NALCN: variants seen among roughly 807,000 people sequenced by gnomAD.
The protein encoded by NALCN is sodium leak channel NALCN.
NALCN carries 111 observed loss-of-function variants against 225.3 expected under a neutral mutation model. The observed-to-expected ratio is 0.49, with a 90% CI of 0.42 to 0.58. NALCN has a LOEUF of 0.58. Ranked by LOEUF, NALCN falls within the 20% of genes least tolerant of loss-of-function variation. The probability of loss-of-function intolerance (pLI) is 0.00; values close to 1 mark genes in which losing one functional copy is unlikely to be tolerated. For missense variants in NALCN, 1,378 were observed against 2,202.4 expected, an observed-to-expected ratio of 0.63 and a Z score of 7.49; for synonymous variants, 764 against 769.0, an observed-to-expected ratio of 0.99 and a Z score of 0.11.
At chr13:101,142,025 GATAT>G (rs1223521219) in intron 17 of NALCN, among the ~76,000 whole-genome samples, 3 of 150,896 alleles carry the variant, frequency 2.0e-5, no homozygotes, top group East Asian at 1.9e-4. Flanking sequence ...TGACCAAGCT[GATAT>G]ATATAGTTTG....
rs943748766 is a variant in NALCN, at chr13:101,311,945, C to A, written c.800-19579G>T. On this transcript the variant is annotated intron_variant, in intron 7 of 43. Transcript: ENST00000251127. ...GTTTCAGAAGGAATGGTACCAGTTC[C>A]TCCTTGTACCTCTGGTAGAATTCGG... is the stretch of plus-strand genomic sequence containing the variant. 3.9e-5 allele frequency among the ~76,000 whole-genome samples: 6 copies of A among 152,158 alleles called. No homozygotes were observed. In the East Asian group the frequency reaches 1.2e-3, roughly 29 times the overall value.
chr13:101,160,295 C>T (rs2038116543), intron 15 of NALCN, among the ~76,000 whole-genome samples: 1 of 152,184 alleles, frequency 6.6e-6, no homozygotes, highest in Non-Finnish European at 1.5e-5. Flanking sequence ...TTCTAAATTT[C>T]CTTCCCTCTT....
intron 17 of NALCN, among the ~76,000 whole-genome samples, chr13:101,128,490 T>C (rs1451017274): frequency 2.0e-5 from 3 of 152,198 alleles, no homozygotes; most frequent in Non-Finnish European, 4.4e-5. Context: ...AATCTACATG[T>C]TACCCTTTTT....
At chr13:101,378,989 T>C (rs922566922) in intron 3 of NALCN, among the ~76,000 whole-genome samples, 3 of 152,112 alleles carry the variant, frequency 2.0e-5, no homozygotes, top group African/African-American at 7.2e-5. Context: ...GCCAGCTCCC[T>C]GCCTACAAGA....
chr13:101,279,800 G>A (rs950563307), intron 10 of NALCN, among the ~76,000 whole-genome samples: 1 of 147,256 alleles, frequency 6.8e-6, no homozygotes, highest in Non-Finnish European at 1.5e-5. Context: ...CTGGGCGACA[G>A]AGCGAGACTC....
chr13:101,074,819 G>C (rs1156540391), intron 35 of NALCN, among the ~76,000 whole-genome samples, 157 bp from the exon 36 acceptor site: 2 of 152,010 alleles, frequency 1.3e-5, no homozygotes, highest in African/African-American at 4.8e-5. Flanking sequence ...ATCACTCTTA[G>C]GTGTATCATT....
intron 17 of NALCN, among the ~76,000 whole-genome samples, chr13:101,125,267 T>C (rs1356090018): frequency 6.6e-6 from 1 of 152,062 alleles, no homozygotes; most frequent in East Asian, 1.9e-4. Context: ...TTGCAGATTT[T>C]AGATTGGTGG....
At chr13:101,267,981 A>G (rs1327509266) in intron 10 of NALCN, among the ~76,000 whole-genome samples, 1 of 152,194 alleles carries the variant, frequency 6.6e-6, no homozygotes, top group African/African-American at 2.4e-5. Context: ...GGTTCTCACA[A>G]CCAGAACAGA....
intron 13 of NALCN, among the ~76,000 whole-genome samples, chr13:101,198,999 A>G (rs889570747): frequency 6.6e-6 from 1 of 152,126 alleles, no homozygotes; most frequent in Non-Finnish European, 1.5e-5. Context: ...AGGGACATGG[A>G]TGAAGCTGGA....
intron 15 of NALCN, among the ~76,000 whole-genome samples, chr13:101,151,713 G>A (rs1037410705): frequency 1.4e-4 from 21 of 152,138 alleles, no homozygotes; most frequent in South Asian, 2.1e-4. Flanking sequence ...TTGCTAAGGC[G>A]TAAACTATTA....
chr13:101,168,334 T>C (rs528104491), intron 15 of NALCN, among the ~76,000 whole-genome samples: 1 of 152,294 alleles, frequency 6.6e-6, no homozygotes, highest in South Asian at 2.1e-4. Flanking sequence ...CTTTAAACTT[T>C]GTATCTCTCC....
chr13:101,066,687 C>T (rs1422902075), intron 39 of NALCN, among the ~76,000 whole-genome samples: 1 of 152,080 alleles, frequency 6.6e-6, no homozygotes, highest in Non-Finnish European at 1.5e-5. Flanking sequence ...ACGCAGGGCT[C>T]TCACTACCTT....
At position 101,293,803 on chromosome 13, in the gene NALCN, C is replaced by T. The variant is rs556823319; in HGVS notation, c.800-1437G>A. ...AGAAAGAAGCAAAGTGCAGTCCTAT[C>T]GCCTATTATGCATTAATGTGTGCTA... On this transcript the variant is annotated intron_variant, in intron 7 of 43. Transcript: ENST00000251127. 3.9e-5 allele frequency among the ~76,000 whole-genome samples: 6 copies of T among 152,292 alleles called. No homozygotes were observed. In the East Asian group the frequency reaches 5.8e-4, roughly 15 times the overall value.
At chr13:101,340,020 C>A (rs1246156446) in intron 7 of NALCN, among the ~76,000 whole-genome samples, 1 of 149,992 alleles carries the variant, frequency 6.7e-6, no homozygotes, top group African/African-American at 2.5e-5. Flanking sequence ...GTAATCCCAG[C>A]ACTTTTGGAG....
At chr13:101,141,614 G>A (rs918533338) in intron 17 of NALCN, among the ~76,000 whole-genome samples, 1 of 151,754 alleles carries the variant, frequency 6.6e-6, no homozygotes, top group Non-Finnish European at 1.5e-5. Context: ...ATTAGGGGAG[G>A]GGAGGTGAGA....
Position 101,055,117 on chromosome 13 carries a change from G to T in NALCN, c.*178C>A. On this transcript the variant is annotated 3_prime_UTR_variant, in exon 44 of 44. Transcript: ENST00000251127. ...AAATTTTTTTGAGCAATGATTGATA[G>T]TAACCCATCATACATGCAGCTTATG... The T allele has an allele frequency of 1.7e-6, 1 of 594,572 alleles. No individual in the cohort carries two copies. Among genetic ancestry groups the T allele is most frequent in the South Asian group, 2.4e-5 (1 of 41,848 alleles). 36.8% of individuals were successfully genotyped at this position (594,572 alleles called of 1,614,324 possible).
In NALCN at chr13:101,060,275, G is replaced by GTTTTTTTTTTT. The variant is rs771531599; in HGVS notation, c.4756-319_4756-309dup. Among the ~76,000 whole-genome samples, 312 of 79,802 alleles carry GTTTTTTTTTTT rather than the reference G, an allele frequency of 3.9e-3. 47 individuals carry two copies. The highest frequency in any genetic ancestry group is 6.1e-3 in the East Asian group (14 of 2,286). The allele number at this position is 79,802 out of a possible 152,430, so 52.4% of individuals were successfully genotyped here. ...TTTCTTTTTGTTGTTGGTGTTTTCT[G>GTTTTTTTTTTT]TTTTTTTTTTTTTTTTTTTAGATAG... On this transcript the variant is annotated intron_variant, in intron 41 of 43. Coordinates refer to ENST00000251127, the MANE Select transcript of NALCN (RefSeq NM_052867.4).
intron 3 of NALCN, among the ~76,000 whole-genome samples, chr13:101,380,892 ACCAC>A (rs1566634494): frequency 6.7e-6 from 1 of 149,750 alleles, no homozygotes; most frequent in African/African-American, 2.5e-5. Flanking sequence ...ACACACACAC[ACCAC>A]CATCACCACC....
chr13:101,213,770 C>T (rs530311042), intron 13 of NALCN, among the ~76,000 whole-genome samples: 11 of 151,992 alleles, frequency 7.2e-5, no homozygotes, highest in East Asian at 1.9e-4. Context: ...GTTAGAATGG[C>T]GATCATTAAA....
Sources: allele counts gnomAD v4.1 joint callset (sites outside exome capture counted in the v4.1 genomes callset), GRCh38; gene constraint gnomAD v4.1.1; transcripts MANE v1.5; gene names NCBI Gene and HGNC (gene_info 2026-07-23, HGNC 2026-07-21).